Variants in TAFA1 observed in about 807,000 individuals in gnomAD.
The protein encoded by TAFA1 is chemokine-like protein TAFA-1.
Under a neutral mutation model 18.5 loss-of-function variants are expected in TAFA1, and 4 were observed. That is an observed-to-expected ratio of 0.22 (90% CI 0.11 to 0.49). TAFA1 has a LOEUF of 0.49. TAFA1 is among the 20% of genes least tolerant of loss of function. The pLI is 0.98. For synonymous variants in TAFA1, 56 were observed against 55.2 expected, an observed-to-expected ratio of 1.01 and a Z score of -0.06; for missense variants, 147 against 169.0, an observed-to-expected ratio of 0.87 and a Z score of 0.72.
intron 2 of TAFA1, among the ~76,000 whole-genome samples, chr3:68,304,000 TA>T (rs1286933878): frequency 1.3e-5 from 2 of 152,184 alleles, no homozygotes; most frequent in Admixed American, 1.3e-4. Flanking sequence ...GACATTACAT[TA>T]GTGGAAATTG....
In TAFA1 at chr3:68,264,223, T is replaced by A. The variant is rs531390341; in HGVS notation, c.119-153057T>A. 3.9e-5 allele frequency among the ~76,000 whole-genome samples: 6 copies of A among 152,124 alleles called. No individual in the cohort carries two copies. In the South Asian group the frequency reaches 1.0e-3, roughly 26 times the overall value. Reference sequence around the variant, plus strand: ...AGGTGAAGTTTACAGTGAGCCAAGATCACACCACCGCACTCCAGCCTGGGC... The same window carrying A: ...AGGTGAAGTTTACAGTGAGCCAAGAACACACCACCGCACTCCAGCCTGGGC... On this transcript the variant is annotated intron_variant, in intron 2 of 4. Coordinates refer to ENST00000478136, the MANE Select transcript of TAFA1 (RefSeq NM_213609.4).
chr3:68,237,637 G>T (rs1277174003), intron 2 of TAFA1, among the ~76,000 whole-genome samples: 3 of 152,072 alleles, frequency 2.0e-5, no homozygotes, highest in African/African-American at 4.8e-5. Flanking sequence ...GTATAATAGG[G>T]TTCTGAATTT....
intron 2 of TAFA1, among the ~76,000 whole-genome samples, chr3:68,038,414 G>T (rs1237647568): frequency 6.6e-6 from 1 of 152,170 alleles, no homozygotes; most frequent in Admixed American, 6.5e-5. Context: ...CAGTGTAACA[G>T]TTTGTCCAGT....
At chr3:68,442,123 C>T (rs887928934) in intron 3 of TAFA1, among the ~76,000 whole-genome samples, 4 of 152,082 alleles carry the variant, frequency 2.6e-5, no homozygotes, top group African/African-American at 7.2e-5. Context: ...TCACCACCAC[C>T]CCACTCCTTA....
intron 3 of TAFA1, among the ~76,000 whole-genome samples, chr3:68,508,715 T>C (rs1345954825): frequency 6.6e-6 from 1 of 152,062 alleles, no homozygotes; most frequent in East Asian, 1.9e-4. Context: ...ATAGACATAA[T>C]ATATACAAAA....
chr3:68,392,843 A>G (rs537083229), intron 2 of TAFA1, among the ~76,000 whole-genome samples: 1 of 152,326 alleles, frequency 6.6e-6, no homozygotes, highest in African/African-American at 2.4e-5. Context: ...AATCTCTGGG[A>G]CACAGCTAAA....
chr3:68,042,800 T>C (rs987053031), intron 2 of TAFA1, among the ~76,000 whole-genome samples: 1 of 152,244 alleles, frequency 6.6e-6, no homozygotes, highest in Non-Finnish European at 1.5e-5. Flanking sequence ...GCACAGAGGC[T>C]GGTGACTCCA....
intron 3 of TAFA1, among the ~76,000 whole-genome samples, chr3:68,477,373 TA>T (rs898577461): frequency 4.0e-5 from 6 of 151,830 alleles, no homozygotes; most frequent in African/African-American, 9.7e-5. Context: ...ATAGTGCTTT[TA>T]AAAAAAAATT....
chr3:68,263,586 T>G (rs2067481134), intron 2 of TAFA1, among the ~76,000 whole-genome samples: 1 of 151,884 alleles, frequency 6.6e-6, no homozygotes, highest in Non-Finnish European at 1.5e-5. Flanking sequence ...GACCTCGCTT[T>G]ACAGAACAAG....
intron 2 of TAFA1, among the ~76,000 whole-genome samples, chr3:68,375,107 A>G (rs2069783378): frequency 6.6e-6 from 1 of 152,150 alleles, no homozygotes; most frequent in Admixed American, 6.6e-5. Context: ...GCATGATTCT[A>G]CCAGATTTTT....
intron 3 of TAFA1, among the ~76,000 whole-genome samples, chr3:68,456,260 T>G (rs907918253): frequency 2.0e-5 from 3 of 152,250 alleles, no homozygotes; most frequent in Non-Finnish European, 4.4e-5. Flanking sequence ...GCAATCTTGA[T>G]AAAAACCCAA....
At chr3:68,489,216 A>G (rs1382259963) in intron 3 of TAFA1, among the ~76,000 whole-genome samples, 5 of 152,178 alleles carry the variant, frequency 3.3e-5, no homozygotes. Flanking sequence ...TGCACCTAGG[A>G]AGGTAAATGT....
chr3:68,391,464 A>G (rs901275320), intron 2 of TAFA1, among the ~76,000 whole-genome samples: 7 of 152,228 alleles, frequency 4.6e-5, no homozygotes, highest in Non-Finnish European at 7.3e-5. Flanking sequence ...GAACTTCCCC[A>G]ACCTAGCAAG....
intron 2 of TAFA1, among the ~76,000 whole-genome samples, chr3:68,009,259 G>C (rs1047419745): frequency 6.6e-6 from 1 of 152,188 alleles, no homozygotes; most frequent in South Asian, 2.1e-4. Context: ...CTTTCACATA[G>C]TTGTCTCTCT....
rs372085056 is a variant in TAFA1 at position 68,008,829 on chromosome 3, T to C, written c.118+2085T>C. 1.9e-3 allele frequency among the ~76,000 whole-genome samples: 288 copies of C among 152,302 alleles called. 1 individual carries two copies. Among genetic ancestry groups the C allele is most frequent in the Non-Finnish European group, 3.6e-3 (243 of 68,030 alleles). Reference sequence around the variant, plus strand: ...GAGGGGGAAAGGCAGGGCTCGGGGCTGGCCACCTGAGTCTCTGTCACTTAA... The same window carrying C: ...GAGGGGGAAAGGCAGGGCTCGGGGCCGGCCACCTGAGTCTCTGTCACTTAA... On this transcript the variant is annotated intron_variant, in intron 2 of 4. Transcript: ENST00000478136.
At chr3:68,164,557 A>AT (rs1363175715) in intron 2 of TAFA1, among the ~76,000 whole-genome samples, 2 of 150,578 alleles carry the variant, frequency 1.3e-5, no homozygotes, top group East Asian at 3.9e-4. Context: ...TCTCCCTCCC[A>AT]TTTTTTATGC....
At chr3:68,415,827 G>A (rs559475485) in intron 2 of TAFA1, among the ~76,000 whole-genome samples, 12 of 152,190 alleles carry the variant, frequency 7.9e-5, no homozygotes, top group South Asian at 2.1e-4. Context: ...TGACAGAGCC[G>A]AGATTCAAAC....
chr3:68,433,625 A>T (rs958917403), intron 3 of TAFA1, among the ~76,000 whole-genome samples: 1 of 152,104 alleles, frequency 6.6e-6, no homozygotes, highest in Admixed American at 6.6e-5. Context: ...CAAATAATTC[A>T]TGTCTTTTGT....
At chr3:68,400,613 T>C (rs2070467888) in intron 2 of TAFA1, among the ~76,000 whole-genome samples, 1 of 152,180 alleles carries the variant, frequency 6.6e-6, no homozygotes, top group Admixed American at 6.6e-5. Flanking sequence ...CTCTAAACAA[T>C]CAGATTCTTT....
Sources: allele counts gnomAD v4.1 joint callset (sites outside exome capture counted in the v4.1 genomes callset), GRCh38; gene constraint gnomAD v4.1.1; transcripts MANE v1.5; gene names NCBI Gene and HGNC (gene_info 2026-07-23, HGNC 2026-07-21).